The following SLC22A15 variants were observed in gnomAD, a reference collection of about 807,000 sequenced individuals.
The protein encoded by SLC22A15 is flipt 1.
Under a neutral mutation model 62.7 loss-of-function variants are expected in SLC22A15, and 45 were observed. The ratio of observed to expected loss-of-function variants is 0.72; its 90% CI spans 0.56 to 0.92. The LOEUF is 0.92. Among genes scored for constraint, SLC22A15 ranks in the 40% least tolerant of loss-of-function variants. The pLI, the probability that SLC22A15 is intolerant of heterozygous loss-of-function variation, is 0.00. For synonymous variants in SLC22A15, 264 were observed against 267.0 expected (o/e 0.99, Z 0.11); for missense variants, 622 against 665.6 (o/e 0.93, Z 0.72).
At chr1:116,027,104 A>T (rs542702713) in intron 5 of SLC22A15, 82 bp downstream of exon 5, 2 of 1,373,314 alleles carry the variant, frequency 1.5e-6, no homozygotes, top group South Asian at 2.5e-5. Context: ...GAGCAGCATT[A>T]TTCCCTTTCA....
chr1:116,026,979 A>G lies in SLC22A15; in HGVS notation c.685A>G (p.Ile229Val). 6.2e-7 allele frequency: 1 copy of G among 1,613,892 alleles called. No individual in the cohort carries two copies. The highest frequency in any genetic ancestry group is 2.2e-5 in the East Asian group (1 of 44,872). ...CATCCGCTCCTGGAGGACCCTAGCCATTCTGGTTAACCTGCAGGGAACGGT... is the reference window on the plus strand; with the variant it reads ...CATCCGCTCCTGGAGGACCCTAGCCGTTCTGGTTAACCTGCAGGGAACGGT... Reference protein sequence around the residue: ...YFIRSWRTLAILVNLQGTVVF... With the variant: ...YFIRSWRTLAVLVNLQGTVVF... The change falls in exon 5 of 12, where the codon ATT (isoleucine) becomes GTT (valine). Residue 229 changes from isoleucine (I) to valine (V), a missense_variant. Transcript: ENST00000369503.
intron 8 of SLC22A15, among the ~76,000 whole-genome samples, chr1:116,061,617 A>C (rs1032766033): frequency 6.6e-6 from 1 of 152,050 alleles, no homozygotes; most frequent in Non-Finnish European, 1.5e-5. Flanking sequence ...TTTTTGCCTC[A>C]TAAGAAGTAA....
At chr1:116,008,031 C>T (rs1656071394) in intron 2 of SLC22A15, among the ~76,000 whole-genome samples, 2 of 152,176 alleles carry the variant, frequency 1.3e-5, no homozygotes, top group Admixed American at 1.3e-4. Flanking sequence ...TCGACTCTGC[C>T]TGGGCCCCTT....
rs574077571 is a variant in SLC22A15 at position 116,030,269 on chromosome 1, T to C, written c.729-1097T>C. On this transcript the variant is annotated intron_variant, in intron 5 of 11. Coordinates refer to ENST00000369503, the MANE Select transcript of SLC22A15 (RefSeq NM_018420.3). ...CACCATTACATTACTCTGTACAAAA[T>C]TGAAATGCTCAATAAATGGCTGTTG... 2.6e-5 allele frequency among the ~76,000 whole-genome samples: 4 copies of C among 152,286 alleles called. No homozygotes were observed. In the South Asian group the frequency reaches 8.3e-4, roughly 32 times the overall value.
rs1570679561 is a variant in SLC22A15, at chr1:115,981,011, T to A, written c.87+4297T>A. Among the ~76,000 whole-genome samples the A allele has an allele frequency of 2.6e-5, 4 of 151,946 alleles. No homozygotes were observed. The South Asian group carries it at 8.3e-4, about 32-fold the overall frequency. On this transcript the variant is annotated intron_variant, in intron 1 of 11. Coordinates refer to ENST00000369503, the MANE Select transcript of SLC22A15 (RefSeq NM_018420.3). The stretch of plus-strand genomic sequence containing the variant: ...ACACAGGAGGGTGGGGTAGAGTGAG[T>A]TTTATTCAGCCTGTTTTGTTAAACT...
intron 9 of SLC22A15, among the ~76,000 whole-genome samples, 169 bp downstream of exon 9, chr1:116,063,051 C>T (rs1658420483): frequency 6.6e-6 from 1 of 152,186 alleles, no homozygotes; most frequent in African/African-American, 2.4e-5. Context: ...CTGCTCTCTG[C>T]CTGCTCTGCT....
At chr1:116,033,818 T>C (rs1019855588) in intron 6 of SLC22A15, among the ~76,000 whole-genome samples, 2 of 152,184 alleles carry the variant, frequency 1.3e-5, no homozygotes, top group African/African-American at 4.8e-5. Context: ...ACATGTGATG[T>C]CCTGGCTACA....
At chr1:115,999,127 G>C (rs1337321940) in intron 2 of SLC22A15, among the ~76,000 whole-genome samples, 1 of 152,150 alleles carries the variant, frequency 6.6e-6, no homozygotes, top group East Asian at 1.9e-4. Flanking sequence ...GTTCCATTGT[G>C]ATTGGAGAAG....
At chr1:116,004,103 T>C (rs946604425) in intron 2 of SLC22A15, among the ~76,000 whole-genome samples, 4 of 152,206 alleles carry the variant, frequency 2.6e-5, no homozygotes, top group African/African-American at 9.7e-5. Flanking sequence ...AGCTTATTAC[T>C]TCCTTGTTAT....
intron 2 of SLC22A15, among the ~76,000 whole-genome samples, chr1:116,012,407 C>G (rs977883963): frequency 4.0e-5 from 5 of 124,986 alleles, no homozygotes; most frequent in African/African-American, 1.3e-4. Flanking sequence ...AAAATAAGAC[C>G]CTGTCCCTTA....
chr1:116,016,616 T>C (rs944591711), intron 2 of SLC22A15, among the ~76,000 whole-genome samples: 1 of 152,220 alleles, frequency 6.6e-6, no homozygotes, highest in Non-Finnish European at 1.5e-5. Flanking sequence ...AGATGTTTTA[T>C]ATGCGTGCTC....
At chr1:116,018,524 C>G (rs1656659461) in intron 2 of SLC22A15, among the ~76,000 whole-genome samples, 1 of 152,114 alleles carries the variant, frequency 6.6e-6, no homozygotes, top group Non-Finnish European at 1.5e-5. Context: ...ACCACCACGC[C>G]CGGCTAATTT....
intron 6 of SLC22A15, among the ~76,000 whole-genome samples, chr1:116,033,872 G>A (rs566454459): frequency 6.6e-6 from 1 of 152,258 alleles, no homozygotes; most frequent in Admixed American, 6.5e-5. Flanking sequence ...CTTCATCTCA[G>A]TAAGAAATCA....
chr1:116,014,500 G>T (rs1656429514), intron 2 of SLC22A15, among the ~76,000 whole-genome samples: 1 of 152,214 alleles, frequency 6.6e-6, no homozygotes, highest in African/African-American at 2.4e-5. Flanking sequence ...CAGCCTGAGA[G>T]ACTGAAAATA....
chr1:116,021,740 C>T (rs546819353), intron 4 of SLC22A15, among the ~76,000 whole-genome samples: 13 of 152,140 alleles, frequency 8.5e-5, no homozygotes, highest in Non-Finnish European at 1.6e-4. Context: ...GTAATATTCC[C>T]GGAGCTTACA....
Position 116,052,272 on chromosome 1 carries a change from C to T in SLC22A15, c.1172-10490C>T, listed in dbSNP as rs529421067. Among the ~76,000 whole-genome samples the T allele has an allele frequency of 1.4e-4, 21 of 152,340 alleles. No homozygotes were observed. The South Asian group carries it at 1.9e-3, about 14-fold the overall frequency. On this transcript the variant is annotated intron_variant, in intron 8 of 11. Transcript: ENST00000369503. ...CCCGCACCTGGCTCGGAGGGTCCTA[C>T]GCCCACGGAGTCTCACTGATTGCTA...
chr1:116,015,630 A>G (rs1656485033), intron 2 of SLC22A15, among the ~76,000 whole-genome samples: 1 of 152,232 alleles, frequency 6.6e-6, no homozygotes, highest in African/African-American at 2.4e-5. Context: ...TTTAATCAAT[A>G]AAACAGGCCA....
intron 2 of SLC22A15, among the ~76,000 whole-genome samples, chr1:116,018,639 T>A (rs910157116): frequency 3.9e-5 from 6 of 152,158 alleles, no homozygotes; most frequent in Non-Finnish European, 5.9e-5. Flanking sequence ...TTTATTTTTT[T>A]AATTTTATTG....
At chr1:116,047,521 C>T (rs953097192) in intron 8 of SLC22A15, among the ~76,000 whole-genome samples, 30 of 152,194 alleles carry the variant, frequency 2.0e-4, no homozygotes, top group African/African-American at 4.3e-4. Context: ...CTGTTATCCA[C>T]GGCTGAGAGA....
Sources: gnomAD v4.1 joint callset for allele counts (sites outside exome capture counted in the v4.1 genomes callset) on GRCh38, gnomAD v4.1.1 for gene constraint, MANE v1.5 for transcripts, NCBI Gene and HGNC (gene_info 2026-07-23, HGNC 2026-07-21) for gene names.